ZNF79: variants seen among roughly 807,000 people sequenced by gnomAD.
ZNF79 encodes zinc finger protein 79.
A neutral mutation model predicts 14.9 loss-of-function variants in ZNF79; 13 were observed. The ratio of observed to expected loss-of-function variants is 0.87; its 90% CI spans 0.57 to 1.38. The LOEUF is 1.38. ZNF79 is among the 40% of genes most tolerant of loss of function. The pLI, the probability that ZNF79 is intolerant of heterozygous loss-of-function variation, is 0.00. For synonymous variants in ZNF79, 223 were observed against 235.1 expected, an observed-to-expected ratio of 0.95 and a Z score of 0.47; for missense variants, 631 against 630.6, an observed-to-expected ratio of 1.00 and a Z score of -0.01.
intron 2 of ZNF79, 56 bp downstream of exon 2, chr9:127,428,976 G>A (rs1471917718): frequency 1.4e-5 from 17 of 1,190,984 alleles, no homozygotes; most frequent in Non-Finnish European, 1.3e-5. Flanking sequence ...AATACTAATG[G>A]TAGGGTTGCC....
chr9:127,430,217 C>T (rs1472119089), intron 2 of ZNF79, among the ~76,000 whole-genome samples: 3 of 152,214 alleles, frequency 2.0e-5, no homozygotes, highest in African/African-American at 4.8e-5. Flanking sequence ...TCCCATTTCA[C>T]TGCATATTCT....
At chr9:127,443,947 G>T (rs543947655) in intron 4 of ZNF79, 82 bp from the exon 5 acceptor site, 61 of 1,127,768 alleles carry the variant, frequency 5.4e-5, no homozygotes, top group Admixed American at 2.6e-4. Context: ...AAACCTGTGT[G>T]TGTAAGAGCT....
Position 127,444,667 on chromosome 9 carries a change from C to T in ZNF79, c.967C>T (p.His323Tyr), listed in dbSNP as rs780374836. 1.2e-6 allele frequency: 2 copies of T among 1,614,084 alleles called. No homozygotes were observed. Among genetic ancestry groups the T allele is most frequent in the East Asian group, 2.2e-5 (1 of 44,872 alleles). ...CCGTCACAGTGCAAACCTCACGAAC[C>T]ATCAGAGGACTCACACCGGGGAGAA... The part of the protein sequence containing the change: ...AFRHSANLTN[H>Y]QRTHTGEKPY... Residue 323 changes from histidine to tyrosine, a missense_variant, in exon 5 of 5, where the codon CAT (histidine) becomes TAT (tyrosine). Transcript: ENST00000342483.
intron 4 of ZNF79, among the ~76,000 whole-genome samples, chr9:127,440,512 A>G (rs1375716189): frequency 1.3e-5 from 2 of 152,192 alleles, no homozygotes; most frequent in African/African-American, 4.8e-5. Context: ...CACTGGAGCC[A>G]TGGTAAGGCG....
rs1179866627 is a variant in ZNF79 at position 127,444,971 on chromosome 9, A to T, written c.1271A>T (p.Lys424Ile). 6.2e-7 allele frequency: 1 copy of T among 1,614,094 alleles called. No individual in the cohort carries two copies. The highest frequency in any genetic ancestry group is 8.5e-7 in the Non-Finnish European group (1 of 1,180,050). ...EKPYKCNECG[K>I]FFSESSALIR... is the part of the protein sequence containing the mutation. ...CCATATAAATGTAATGAATGTGGGA[A>T]ATTCTTCAGTGAGAGCTCAGCCCTC... is the stretch of plus-strand genomic sequence containing the variant. The change falls in exon 5 of 5, where the codon AAA (lysine) becomes ATA (isoleucine). Residue 424 changes from lysine (K) to isoleucine (I), a missense_variant. Physicochemically the swap from Lys to Ile is moderately radical, Grantham distance 102. Coordinates refer to ENST00000342483, the MANE Select transcript of ZNF79 (RefSeq NM_007135.3).
intron 3 of ZNF79, among the ~76,000 whole-genome samples, chr9:127,435,446 G>A (rs1207076924): frequency 6.6e-6 from 1 of 152,140 alleles, no homozygotes; most frequent in African/African-American, 2.4e-5. Flanking sequence ...AGGAGGGGTG[G>A]GGTAACCCTC....
intron 4 of ZNF79, among the ~76,000 whole-genome samples, chr9:127,439,782 A>G (rs1834018426): frequency 6.6e-6 from 1 of 152,252 alleles, no homozygotes; most frequent in Non-Finnish European, 1.5e-5. Flanking sequence ...GGTAATATGT[A>G]TTCCCTTTGT....
chr9:127,436,129 G>C (rs1285538482), intron 4 of ZNF79, 126 bp downstream of exon 4: 2 of 753,672 alleles, frequency 2.7e-6, no homozygotes, highest in Non-Finnish European at 4.4e-6. Flanking sequence ...CTACAGATGA[G>C]GAAATGGAGC....
intron 2 of ZNF79, among the ~76,000 whole-genome samples, chr9:127,431,637 A>G (rs1833863821): frequency 6.6e-6 from 1 of 152,174 alleles, no homozygotes; most frequent in Non-Finnish European, 1.5e-5. Context: ...TGAGGACTTA[A>G]GCCAAGGATT....
At chr9:127,436,742 C>G (rs752367321) in intron 4 of ZNF79, among the ~76,000 whole-genome samples, 1 of 152,198 alleles carries the variant, frequency 6.6e-6, no homozygotes, top group Non-Finnish European at 1.5e-5. Flanking sequence ...TTTGAGGTGA[C>G]AACATTTGAC....
In ZNF79 at chr9:127,444,827, T is replaced by G. The variant is rs766451351; in HGVS notation, c.1127T>G (p.Leu376Arg). The change falls in exon 5 of 5, where the codon CTC becomes CGC. Residue 376 changes from leucine (L) to arginine (R), a missense_variant. Leu to Arg is a moderately radical substitution (Grantham distance 102). Coordinates refer to ENST00000342483, the MANE Select transcript of ZNF79 (RefSeq NM_007135.3). Reference sequence around the variant, plus strand: ...AAGGCCTTCAGCCAGAGTGCAAACCTCACAAACCATCAGAGGACTCACACT... The same window carrying G: ...AAGGCCTTCAGCCAGAGTGCAAACCGCACAAACCATCAGAGGACTCACACT... ...CGKAFSQSAN[L>R]TNHQRTHTGE... 1 of 1,609,088 alleles carries G rather than the reference T, an allele frequency of 6.2e-7. No homozygotes were observed.
At chr9:127,439,713 C>T (rs1262472391) in intron 4 of ZNF79, among the ~76,000 whole-genome samples, 1 of 152,222 alleles carries the variant, frequency 6.6e-6, no homozygotes, top group Non-Finnish European at 1.5e-5. Flanking sequence ...AATCATTCAT[C>T]AATCAGCAAA....
At chr9:127,429,755 A>C (rs995770577) in intron 2 of ZNF79, among the ~76,000 whole-genome samples, 2 of 151,968 alleles carry the variant, frequency 1.3e-5, no homozygotes, top group African/African-American at 4.8e-5. Flanking sequence ...TCTTAATCCC[A>C]CAAAAAGATG....
At chr9:127,429,006 T>G in intron 2 of ZNF79, 86 bp downstream of exon 2, 1 of 911,922 alleles carries the variant, frequency 1.1e-6, no homozygotes, top group Non-Finnish European at 1.6e-6. Context: ...GTTGTCATTG[T>G]TTGTTTTCTT....
chr9:127,427,079 A>G (rs1564229987), intron 1 of ZNF79, among the ~76,000 whole-genome samples: 1 of 151,982 alleles, frequency 6.6e-6, no homozygotes, highest in Non-Finnish European at 1.5e-5. Context: ...GGCTATTTGT[A>G]TCTCTTGCTT....
chr9:127,444,399 C>T lies in ZNF79; in HGVS notation c.699C>T (p.Ser233=). The change falls in exon 5 of 5, where the codon AGC becomes AGT. Residue 233 remains serine, a synonymous_variant. Coordinates refer to ENST00000342483, the MANE Select transcript of ZNF79 (RefSeq NM_007135.3). ...AATGTGGGAAGGCCTTCAGCCAGAG[C>T]TCATCTCTCATTCAGCACCAGAGGA... is the stretch of plus-strand genomic sequence containing the variant. ...CSECGKAFSQ[S]SSLIQHQRIH... The T allele has an allele frequency of 6.2e-7, 1 of 1,611,120 alleles. No individual in the cohort carries two copies. The highest frequency in any genetic ancestry group is 1.1e-5 in the South Asian group (1 of 90,884).
chr9:127,429,510 T>C (rs1478427411), intron 2 of ZNF79, among the ~76,000 whole-genome samples: 2 of 151,134 alleles, frequency 1.3e-5, no homozygotes, highest in African/African-American at 4.9e-5. Context: ...TTTTTAACTT[T>C]TGTAGAGTCA....
intron 1 of ZNF79, among the ~76,000 whole-genome samples, chr9:127,425,295 C>T (rs1040222168): frequency 6.6e-6 from 1 of 152,198 alleles, no homozygotes; most frequent in African/African-American, 2.4e-5. Context: ...TGTGAGGTAC[C>T]AGCCAGGTCT....
intron 2 of ZNF79, among the ~76,000 whole-genome samples, chr9:127,432,783 A>G (rs982032989): frequency 2.6e-5 from 4 of 152,168 alleles, no homozygotes; most frequent in Admixed American, 2.6e-4. Flanking sequence ...TTATTTTAAC[A>G]TCTCTCAAAA....
Sources: allele counts gnomAD v4.1 joint callset (sites outside exome capture counted in the v4.1 genomes callset), GRCh38; gene constraint gnomAD v4.1.1; transcripts MANE v1.5; gene names NCBI Gene and HGNC (gene_info 2026-07-23, HGNC 2026-07-21).